Variants in NTRK3 observed in about 807,000 individuals in gnomAD.
NTRK3 encodes NT-3 growth factor receptor.
NTRK3 carries 24 observed loss-of-function variants against 91.7 expected under a neutral mutation model. That is an observed-to-expected ratio of 0.26 (90% confidence interval 0.19 to 0.37). NTRK3 has a LOEUF of 0.37. NTRK3 is among the 10% of genes least tolerant of loss of function. The pLI is 1.00. For synonymous variants in NTRK3, 483 were observed against 404.0 expected (o/e 1.20, Z -2.34); for missense variants, 880 against 1,068.9 (o/e 0.82, Z 2.46).
chr15:88,124,467 C>T (rs557240413), intron 13 of NTRK3, among the ~76,000 whole-genome samples: 123 of 152,304 alleles, frequency 8.1e-4, no homozygotes, highest in South Asian at 6.8e-3. Context: ...CCAAGCATGT[C>T]GCAGGGTCTC....
At chr15:87,999,185 CACTGTTAGATCT>C in intron 14 of NTRK3, among the ~76,000 whole-genome samples, 1 of 152,308 alleles carries the variant, frequency 6.6e-6, no homozygotes, top group East Asian at 1.9e-4. Flanking sequence ...CTAAGAGGTG[CACTGTTAGATCT>C]ACTGTCAGGA....
chr15:88,194,224 G>T (rs2047636559), intron 3 of NTRK3, among the ~76,000 whole-genome samples: 1 of 152,142 alleles, frequency 6.6e-6, no homozygotes, highest in Non-Finnish European at 1.5e-5. Context: ...CGTATTCTTT[G>T]CCTGATCCTT....
At chr15:88,035,027 AT>A (rs1232586970) in intron 13 of NTRK3, among the ~76,000 whole-genome samples, 3 of 152,246 alleles carry the variant, frequency 2.0e-5, no homozygotes, top group African/African-American at 7.2e-5. Flanking sequence ...AATTCAAAAA[AT>A]ATCTGTGCAC....
At chr15:88,190,000 G>A (rs540369194) in intron 3 of NTRK3, among the ~76,000 whole-genome samples, 46 of 152,248 alleles carry the variant, frequency 3.0e-4, no homozygotes, top group African/African-American at 9.4e-4. Context: ...TAACCCCAGA[G>A]GACTAAGGTG....
intron 5 of NTRK3, among the ~76,000 whole-genome samples, chr15:88,169,826 C>T (rs1317934437): frequency 1.3e-5 from 2 of 152,180 alleles, no homozygotes; most frequent in Non-Finnish European, 2.9e-5. Flanking sequence ...CCCAGAAAGC[C>T]TCTTTCAGCT....
chr15:87,939,510 C>T (rs1404795583), intron 15 of NTRK3, among the ~76,000 whole-genome samples: 1 of 152,188 alleles, frequency 6.6e-6, no homozygotes, highest in East Asian at 1.9e-4. Context: ...TTCTTCGAGG[C>T]TATTTGCCCT....
At chr15:88,244,301 C>G (rs1349502335) in intron 3 of NTRK3, among the ~76,000 whole-genome samples, 1 of 152,168 alleles carries the variant, frequency 6.6e-6, no homozygotes, top group Non-Finnish European at 1.5e-5. Flanking sequence ...TATTTTAATC[C>G]TCACAACACC....
chr15:88,197,252 C>G (rs951124823), intron 3 of NTRK3, among the ~76,000 whole-genome samples: 7 of 152,108 alleles, frequency 4.6e-5, no homozygotes, highest in African/African-American at 1.7e-4. Context: ...GATTCAAGTC[C>G]CATCAGTCCC....
At chr15:88,217,472 A>G (rs1053399664) in intron 3 of NTRK3, among the ~76,000 whole-genome samples, 1 of 152,212 alleles carries the variant, frequency 6.6e-6, no homozygotes, top group African/African-American at 2.4e-5. Flanking sequence ...CCTTGAGGAC[A>G]TTATGCTAAG....
At position 88,148,382 on chromosome 15, in the gene NTRK3, T is replaced by C. The variant is rs150956528; in HGVS notation, c.396-979A>G. Among the ~76,000 whole-genome samples the C allele has an allele frequency of 7.7e-4, 117 of 152,206 alleles. 2 individuals carry two copies. Among genetic ancestry groups the C allele is most frequent in the African/African-American group, 2.6e-3 (107 of 41,508 alleles). On this transcript the variant is annotated intron_variant, in intron 5 of 18. Transcript: ENST00000394480. ...TGGAATCTTATATTCAAGTTACAGA[T>C]GAATAAGCAGAAGGAAGAGTATCAA...
rs1262517851 is a variant in NTRK3 at position 88,250,788 on chromosome 15, C to T, written c.248+5118G>A. 3.3e-5 allele frequency among the ~76,000 whole-genome samples: 5 copies of T among 152,216 alleles called. No homozygotes were observed. In the South Asian group the frequency reaches 1.0e-3, roughly 32 times the overall value. ...GCTGTATTGATCATGCATGATTTAG[C>T]AATCAAAAAGTTTATTTTATAAACC... On this transcript the variant is annotated intron_variant, in intron 3 of 18. Transcript: ENST00000394480.
At chr15:88,197,182 G>C (rs1395852269) in intron 3 of NTRK3, among the ~76,000 whole-genome samples, 1 of 142,584 alleles carries the variant, frequency 7.0e-6, no homozygotes, top group African/African-American at 2.6e-5. Flanking sequence ...GAAGGACCAT[G>C]AAAGTATCAT....
chr15:87,940,959 T>G (rs1243902116), intron 14 of NTRK3, among the ~76,000 whole-genome samples: 1 of 152,172 alleles, frequency 6.6e-6, no homozygotes, highest in African/African-American at 2.4e-5. Context: ...CTCAATGCTG[T>G]CCCTGAACAA....
At chr15:88,083,742 G>A (rs1355065060) in intron 13 of NTRK3, among the ~76,000 whole-genome samples, 1 of 152,220 alleles carries the variant, frequency 6.6e-6, no homozygotes, top group Non-Finnish European at 1.5e-5. Context: ...AGGCACAGGG[G>A]AGATATATGA....
chr15:88,203,325 G>A (rs2048457012), intron 3 of NTRK3, among the ~76,000 whole-genome samples: 1 of 152,100 alleles, frequency 6.6e-6, no homozygotes, highest in Non-Finnish European at 1.5e-5. Flanking sequence ...GCTACACATG[G>A]GAACCCATGT....
intron 14 of NTRK3, among the ~76,000 whole-genome samples, chr15:88,022,829 C>G (rs916673319): frequency 6.6e-6 from 1 of 152,090 alleles, no homozygotes; most frequent in Non-Finnish European, 1.5e-5. Context: ...ATAATTAGAC[C>G]TAATTACTTA....
chr15:88,160,804 G>A (rs2044379016), intron 5 of NTRK3, among the ~76,000 whole-genome samples: 1 of 152,216 alleles, frequency 6.6e-6, no homozygotes. Context: ...TACTCTGGAA[G>A]GGAACAGTGG....
intron 14 of NTRK3, among the ~76,000 whole-genome samples, chr15:88,019,947 A>C (rs2077491134): frequency 1.3e-5 from 2 of 152,230 alleles, no homozygotes; most frequent in Admixed American, 6.5e-5. Flanking sequence ...ACTCAGACAT[A>C]TGTACATTTG....
chr15:88,028,722 A>T (rs1027542539), intron 14 of NTRK3, among the ~76,000 whole-genome samples: 1 of 152,138 alleles, frequency 6.6e-6, no homozygotes, highest in Non-Finnish European at 1.5e-5. Flanking sequence ...ACACCCAAGG[A>T]CAGAAGGACG....
Sources: gnomAD v4.1 joint callset for allele counts (sites outside exome capture counted in the v4.1 genomes callset) on GRCh38, gnomAD v4.1.1 for gene constraint, MANE v1.5 for transcripts, NCBI Gene and HGNC (gene_info 2026-07-23, HGNC 2026-07-21) for gene names.